The following CREB5 variants were observed in gnomAD, a reference collection of about 807,000 sequenced individuals.
CREB5 encodes cyclic AMP-responsive element-binding protein 5.
Under a neutral mutation model 57.1 loss-of-function variants are expected in CREB5, and 19 were observed. That is an observed-to-expected ratio of 0.33 (90% CI 0.23 to 0.49). The LOEUF is 0.49. Among genes scored for constraint, CREB5 ranks in the 20% least tolerant of loss-of-function variants. The pLI, the probability that CREB5 is intolerant of heterozygous loss-of-function variation, is 0.99. For missense variants in CREB5, 579 were observed against 671.6 expected, an observed-to-expected ratio of 0.86 and a Z score of 1.52; for synonymous variants, 238 against 238.3, an observed-to-expected ratio of 1.00 and a Z score of 0.01.
chr7:28,658,308 TA>T (rs1799416981), intron 5 of CREB5, among the ~76,000 whole-genome samples: 2 of 152,202 alleles, frequency 1.3e-5, no homozygotes, highest in South Asian at 4.1e-4. Context: ...CCTGTGATTG[TA>T]CGAACTCAGA....
At chr7:28,734,081 A>G (rs1259606368) in intron 7 of CREB5, among the ~76,000 whole-genome samples, 2 of 152,046 alleles carry the variant, frequency 1.3e-5, no homozygotes, top group African/African-American at 4.8e-5. Flanking sequence ...CTCTGCAGAG[A>G]AGCCCTGCAT....
intron 1 of CREB5, among the ~76,000 whole-genome samples, chr7:28,334,938 C>A (rs553773655): frequency 1.2e-4 from 18 of 152,142 alleles, no homozygotes; most frequent in African/African-American, 1.4e-4. Context: ...CCAGTTTTCC[C>A]AGCACCATTT....
At chr7:28,388,278 T>C (rs1247638588) in intron 1 of CREB5, among the ~76,000 whole-genome samples, 1 of 152,232 alleles carries the variant, frequency 6.6e-6, no homozygotes, top group Non-Finnish European at 1.5e-5. Flanking sequence ...ATATGTAATA[T>C]TCTGACCCAG....
At chr7:28,354,095 G>C (rs4439009) in intron 1 of CREB5, among the ~76,000 whole-genome samples, 19,173 of 152,174 alleles carry the variant, frequency 0.13, 1,338 homozygotes, top group Middle Eastern at 0.16. Flanking sequence ...CTGCCAGCAG[G>C]ATAGAGAATA....
intron 4 of CREB5, among the ~76,000 whole-genome samples, chr7:28,535,793 C>G (rs1793943871): frequency 6.6e-6 from 1 of 151,976 alleles, no homozygotes; most frequent in Admixed American, 6.6e-5. Context: ...TTCTTTCTGC[C>G]CTCCTAGGCT....
intron 7 of CREB5, among the ~76,000 whole-genome samples, chr7:28,762,320 A>G (rs1166909346): frequency 6.6e-6 from 1 of 152,186 alleles, no homozygotes; most frequent in Admixed American, 6.5e-5. Flanking sequence ...TGTCAGAATG[A>G]TGTGCTCACA....
chr7:28,732,465 T>G lies in CREB5; in HGVS notation c.702+8133T>G, dbSNP rs753418737. Among the ~76,000 whole-genome samples the G allele has an allele frequency of 2.0e-5, 3 of 152,294 alleles. No individual in the cohort carries two copies. The South Asian group carries it at 6.2e-4, about 32-fold the overall frequency. ...GACAAAGTTTTCAAGAGCCTCTTTCTTGTGTATTTGTGGACGTGTGAGCAC... is the reference window on the plus strand; with the variant it reads ...GACAAAGTTTTCAAGAGCCTCTTTCGTGTGTATTTGTGGACGTGTGAGCAC... On this transcript the variant is annotated intron_variant, in intron 7 of 10. Coordinates refer to ENST00000357727, the MANE Select transcript of CREB5 (RefSeq NM_182898.4).
intron 1 of CREB5, among the ~76,000 whole-genome samples, chr7:28,399,409 T>A: frequency 3.5e-5 from 4 of 115,018 alleles, no homozygotes; most frequent in East Asian, 2.4e-4. Flanking sequence ...CAAAACAGCA[T>A]CATTCTGGTA....
intron 1 of CREB5, among the ~76,000 whole-genome samples, chr7:28,340,984 T>C (rs1121145): frequency 0.95 from 144,356 of 152,202 alleles, 68,544 homozygotes; most frequent in East Asian, 0.98. Context: ...CTGTGCCACA[T>C]GGCTACTGCT....
At chr7:28,357,747 A>G (rs1278702483) in intron 1 of CREB5, among the ~76,000 whole-genome samples, 1 of 152,166 alleles carries the variant, frequency 6.6e-6, no homozygotes, top group African/African-American at 2.4e-5. Context: ...TAAATACAGT[A>G]TTGTGCCAGA....
chr7:28,683,166 A>G (rs933766390), intron 5 of CREB5, among the ~76,000 whole-genome samples: 1 of 152,164 alleles, frequency 6.6e-6, no homozygotes, highest in Non-Finnish European at 1.5e-5. Context: ...CCTTCTTCAG[A>G]GGAGCAGCTA....
intron 1 of CREB5, among the ~76,000 whole-genome samples, chr7:28,440,752 G>GT (rs1789154145): frequency 6.6e-6 from 1 of 152,174 alleles, no homozygotes; most frequent in Admixed American, 6.5e-5. Flanking sequence ...GGCTGGAAGT[G>GT]TTTTATCAAC....
At chr7:28,811,542 T>A (rs1344851541) in intron 9 of CREB5, among the ~76,000 whole-genome samples, 1 of 151,972 alleles carries the variant, frequency 6.6e-6, no homozygotes, top group Non-Finnish European at 1.5e-5. Context: ...GCCTGGCTAA[T>A]TTTTTTTCTC....
intron 1 of CREB5, among the ~76,000 whole-genome samples, chr7:28,425,880 C>T (rs1185036186): frequency 6.6e-6 from 1 of 152,188 alleles, no homozygotes; most frequent in Non-Finnish European, 1.5e-5. Context: ...GCTGCTTTTC[C>T]TTAATTTTCA....
At chr7:28,418,468 AT>A (rs1788106866) in intron 1 of CREB5, among the ~76,000 whole-genome samples, 2 of 152,162 alleles carry the variant, frequency 1.3e-5, no homozygotes, top group African/African-American at 2.4e-5. Context: ...TTGTGACTTC[AT>A]GCTGCAGAGA....
At chr7:28,525,740 C>T (rs1286786462) in intron 4 of CREB5, among the ~76,000 whole-genome samples, 2 of 151,752 alleles carry the variant, frequency 1.3e-5, no homozygotes, top group South Asian at 2.1e-4. Context: ...TTTCCTAATC[C>T]AGTAGTGTGT....
chr7:28,807,316 G>A (rs749745675), intron 8 of CREB5, among the ~76,000 whole-genome samples: 2 of 152,156 alleles, frequency 1.3e-5, no homozygotes, highest in Non-Finnish European at 2.9e-5. Flanking sequence ...AGGCATGGTG[G>A]CAGGCACCTG....
intron 5 of CREB5, among the ~76,000 whole-genome samples, chr7:28,589,201 G>A (rs1796405084): frequency 6.6e-6 from 1 of 152,136 alleles, no homozygotes; most frequent in Non-Finnish European, 1.5e-5. Context: ...GCATTTCTAA[G>A]TAAGTTGCAG....
intron 1 of CREB5, among the ~76,000 whole-genome samples, chr7:28,311,728 C>A (rs759570207): frequency 3.3e-5 from 5 of 152,210 alleles, no homozygotes; most frequent in Admixed American, 6.5e-5. Context: ...CCGGTGTACT[C>A]CTGGGCAAGG....
Sources: allele counts gnomAD v4.1 joint callset (sites outside exome capture counted in the v4.1 genomes callset), GRCh38; gene constraint gnomAD v4.1.1; transcripts MANE v1.5; gene names NCBI Gene and HGNC (gene_info 2026-07-23, HGNC 2026-07-21).